Variants in PTPRR observed in about 807,000 individuals in gnomAD.
PTPRR encodes the protein protein tyrosine phosphatase receptor type R.
PTPRR carries 38 observed loss-of-function variants against 77.2 expected under a neutral mutation model. The observed-to-expected ratio is 0.49, with a 90% confidence interval of 0.38 to 0.65. The LOEUF (loss-of-function observed/expected upper bound fraction) is 0.65, where lower values mean the gene tolerates loss of function less well. Among genes scored for constraint, PTPRR ranks in the 30% least tolerant of loss-of-function variants. PTPRR has a pLI of 0.00. For missense variants in PTPRR, 744 were observed against 799.2 expected (o/e 0.93, Z 0.83); for synonymous variants, 299 against 283.1 (o/e 1.06, Z -0.57).
chr12:70,859,298 C>A (rs1256443866), intron 2 of PTPRR, among the ~76,000 whole-genome samples: 1 of 151,926 alleles, frequency 6.6e-6, no homozygotes, highest in African/African-American at 2.4e-5. Flanking sequence ...TGGGCTGCAC[C>A]CCTCAAAGAT....
chr12:70,681,467 C>T lies in PTPRR; in HGVS notation c.1497+2660G>A, dbSNP rs144207790. On this transcript the variant is annotated intron_variant, in intron 10 of 13. Coordinates refer to ENST00000283228, the MANE Select transcript of PTPRR (RefSeq NM_002849.4). ...GTGACATTAATGGGGGCTGCTGGGG[C>T]CTCTTGCTTGCCTAGTCCCCACTGG... 8.9e-3 allele frequency among the ~76,000 whole-genome samples: 1,352 copies of T among 152,300 alleles called. 9 individuals carry two copies. The highest frequency in any genetic ancestry group is 0.017 in the Middle Eastern group (5 of 294).
chr12:70,778,153 A>T (rs1253745668), intron 2 of PTPRR, among the ~76,000 whole-genome samples: 1 of 152,210 alleles, frequency 6.6e-6, no homozygotes, highest in Non-Finnish European at 1.5e-5. Flanking sequence ...GGTGCTTTTA[A>T]CAATAAATAA....
intron 2 of PTPRR, among the ~76,000 whole-genome samples, chr12:70,860,976 G>A (rs1417528421): frequency 2.6e-5 from 4 of 152,036 alleles, no homozygotes; most frequent in African/African-American, 9.7e-5. Context: ...GCTGGAAATA[G>A]TATGCATGCA....
intron 1 of PTPRR, among the ~76,000 whole-genome samples, chr12:70,897,064 C>T (rs187476079): frequency 1.2e-3 from 179 of 151,794 alleles, no homozygotes; most frequent in African/African-American, 4.1e-3. Context: ...CAGCTTTGTT[C>T]GTTTGGCTTA....
At chr12:70,720,381 G>C (rs1889203116) in intron 6 of PTPRR, among the ~76,000 whole-genome samples, 1 of 152,104 alleles carries the variant, frequency 6.6e-6, no homozygotes, top group Non-Finnish European at 1.5e-5. Context: ...TTATATATCT[G>C]TGATGCATCT....
chr12:70,668,528 G>A (rs1887097333), intron 10 of PTPRR, among the ~76,000 whole-genome samples: 2 of 152,042 alleles, frequency 1.3e-5, no homozygotes, highest in Non-Finnish European at 2.9e-5. Context: ...TACTTTTTAA[G>A]CTAATTATAA....
chr12:70,672,057 A>C, intron 10 of PTPRR: 2 of 1,310,428 alleles, frequency 1.5e-6, no homozygotes, highest in South Asian at 2.4e-5. Flanking sequence ...CCAGAGATGG[A>C]GAATGGTGGA....
intron 2 of PTPRR, among the ~76,000 whole-genome samples, chr12:70,779,696 T>C (rs1891162781): frequency 6.6e-6 from 1 of 152,332 alleles, no homozygotes; most frequent in East Asian, 1.9e-4. Flanking sequence ...TAGTAGGTAT[T>C]TAATAAATTC....
At chr12:70,857,718 G>C (rs1434790297) in intron 2 of PTPRR, among the ~76,000 whole-genome samples, 1 of 152,008 alleles carries the variant, frequency 6.6e-6, no homozygotes, top group Non-Finnish European at 1.5e-5. Context: ...AATGCGATGG[G>C]GAATTTGGAA....
intron 2 of PTPRR, among the ~76,000 whole-genome samples, chr12:70,777,804 G>A (rs951074270): frequency 6.6e-6 from 1 of 152,332 alleles, no homozygotes; most frequent in East Asian, 1.9e-4. Context: ...GCGTGGAGAA[G>A]AGGGTCCCAC....
intron 2 of PTPRR, among the ~76,000 whole-genome samples, chr12:70,798,034 A>G (rs1891547042): frequency 6.6e-6 from 1 of 152,202 alleles, no homozygotes; most frequent in Non-Finnish European, 1.5e-5. Flanking sequence ...CTACTACCTG[A>G]TATCTCGATT....
intron 2 of PTPRR, among the ~76,000 whole-genome samples, chr12:70,814,392 G>A (rs1479412196): frequency 6.6e-6 from 1 of 152,120 alleles, no homozygotes; most frequent in African/African-American, 2.4e-5. Flanking sequence ...CTAGATCCCG[G>A]TGCCCCTTTC....
chr12:70,835,258 T>C (rs1332435626), intron 2 of PTPRR, among the ~76,000 whole-genome samples: 1 of 152,184 alleles, frequency 6.6e-6, no homozygotes, highest in Non-Finnish European at 1.5e-5. Flanking sequence ...TTAAAATTGC[T>C]ATTTGAGAGG....
chr12:70,822,247 C>T (rs1892028934), intron 2 of PTPRR, among the ~76,000 whole-genome samples: 1 of 152,040 alleles, frequency 6.6e-6, no homozygotes, highest in Non-Finnish European at 1.5e-5. Flanking sequence ...CTGGAATTAT[C>T]AATTGGAATC....
chr12:70,891,566 T>C (rs928534591), intron 2 of PTPRR, among the ~76,000 whole-genome samples: 1 of 152,126 alleles, frequency 6.6e-6, no homozygotes, highest in African/African-American at 2.4e-5. Flanking sequence ...TCTTAGCTTA[T>C]GATTTTTATT....
At chr12:70,672,684 A>G in intron 10 of PTPRR, 1 of 1,546,340 alleles carries the variant, frequency 6.5e-7, no homozygotes, top group Non-Finnish European at 8.8e-7. Context: ...TGGTCAAGAC[A>G]GAGGAGCGGA....
intron 8 of PTPRR, among the ~76,000 whole-genome samples, chr12:70,687,090 A>T (rs1283806562): frequency 6.6e-6 from 1 of 152,008 alleles, no homozygotes; most frequent in African/African-American, 2.4e-5. Context: ...TAATTATTAC[A>T]ATTCTATAAC....
chr12:70,897,136 A>G (rs1312694633), intron 1 of PTPRR, among the ~76,000 whole-genome samples: 1 of 152,026 alleles, frequency 6.6e-6, no homozygotes, highest in Non-Finnish European at 1.5e-5. Flanking sequence ...TGGCAACAAA[A>G]GACAAAATTG....
At chr12:70,709,226 T>A (rs1888730537) in intron 6 of PTPRR, among the ~76,000 whole-genome samples, 2 of 152,118 alleles carry the variant, frequency 1.3e-5, no homozygotes, top group African/African-American at 4.8e-5. Context: ...CAAAATCACA[T>A]GACCATCTCA....
Sources: allele counts gnomAD v4.1 joint callset (sites outside exome capture counted in the v4.1 genomes callset), GRCh38; gene constraint gnomAD v4.1.1; transcripts MANE v1.5; gene names NCBI Gene and HGNC (gene_info 2026-07-23, HGNC 2026-07-21).